PHACTR2: variants seen among roughly 807,000 people sequenced by gnomAD.
PHACTR2 encodes the protein phosphatase and actin regulator 2, also known as chromosome 6 open reading frame 56.
In PHACTR2, 30 loss-of-function variants were observed where a neutral mutation model predicts 76.0. The observed-to-expected ratio is 0.39, with a 90% CI of 0.30 to 0.54. The LOEUF (loss-of-function observed/expected upper bound fraction) is 0.54, where lower values mean the gene tolerates loss of function less well. PHACTR2 is among the 20% of genes least tolerant of loss of function. The pLI is 0.61. For missense variants in PHACTR2, 696 were observed against 781.1 expected (o/e 0.89, Z 1.30); for synonymous variants, 292 against 292.5 (o/e 1.00, Z 0.02).
intron 1 of PHACTR2, among the ~76,000 whole-genome samples, chr6:143,587,631 A>C (rs568867687): frequency 6.6e-6 from 1 of 152,252 alleles, no homozygotes; most frequent in South Asian, 2.1e-4. Flanking sequence ...AATGAATGAG[A>C]TATTTAAAGG....
At chr6:143,615,896 G>A (rs559104315) in intron 1 of PHACTR2, among the ~76,000 whole-genome samples, 3 of 152,174 alleles carry the variant, frequency 2.0e-5, no homozygotes, top group African/African-American at 4.8e-5. Context: ...ATGCTAACAC[G>A]TTACATTCCA....
At position 143,825,575 on chromosome 6, in the gene PHACTR2, A is replaced by G. The variant is rs927707943; in HGVS notation, c.*1886A>G. On this transcript the variant is annotated 3_prime_UTR_variant, in exon 13 of 13. Coordinates refer to ENST00000440869, the MANE Select transcript of PHACTR2 (RefSeq NM_001100164.2). The surrounding 1 kb of genome is among the most constrained non-coding windows in gnomAD (Gnocchi z 4.1). ...TCTGTCTCTGGCTGAGGTTTTGTCT[A>G]TTTTACAGTGTTTCAATCCAGCCAT... The G allele has an allele frequency of 2.0e-5, 3 of 151,588 alleles. No homozygotes were observed. Among genetic ancestry groups the G allele is most frequent in the Non-Finnish European group, 4.4e-5 (3 of 67,868 alleles). The allele number at this position is 151,588 out of a possible 1,614,324, so 9.4% of individuals were successfully genotyped here.
Position 143,662,836 on chromosome 6 carries a change from C to T in PHACTR2, c.14-49180C>T, listed in dbSNP as rs1776967415. On this transcript the variant is annotated intron_variant, in intron 1 of 11. Transcript: ENST00000305766. The surrounding 1 kb of genome is among the most constrained non-coding windows in gnomAD (Gnocchi z 4.7). ...GCACCCAGACAGTGAGCAGAGTACC[C>T]AATAGGTAGTTTTTCAACCCACATT... 6.6e-6 allele frequency among the ~76,000 whole-genome samples: 1 copy of T among 151,930 alleles called. No homozygotes were observed. Among genetic ancestry groups the T allele is most frequent in the African/African-American group, 2.4e-5 (1 of 41,370 alleles).
Position 143,700,666 on chromosome 6 carries a change from G to A in PHACTR2, c.47-11350G>A, listed in dbSNP as rs1022111791. ...TTCTCCCCTAAAGTTCTGTGCTGAC[G>A]CACATTCCCAGCATGAACAGGGTGA... On this transcript the variant is annotated intron_variant, in intron 1 of 12. Transcript: ENST00000440869. This position sits in a 1 kb window ranked among gnomAD's most constrained non-coding sequence, Gnocchi z 4.1. Among the ~76,000 whole-genome samples the A allele has an allele frequency of 8.5e-5, 13 of 152,196 alleles. No individual in the cohort carries two copies. Among genetic ancestry groups the A allele is most frequent in the African/African-American group, 2.9e-4 (12 of 41,450 alleles).
Position 143,689,889 on chromosome 6 carries a change from C to T in PHACTR2, c.46+11680C>T, listed in dbSNP as rs572878308. 8.5e-5 allele frequency among the ~76,000 whole-genome samples: 13 copies of T among 152,208 alleles called. No individual in the cohort carries two copies. Among genetic ancestry groups the T allele is most frequent in the East Asian group, 7.7e-4 (4 of 5,182 alleles). Reference sequence around the variant, plus strand: ...TGTATTTTTAGTAGCGACAGGGTTTCGCCAGGCTGGTCTTGGCAATCTGGT... The same window carrying T: ...TGTATTTTTAGTAGCGACAGGGTTTTGCCAGGCTGGTCTTGGCAATCTGGT... On this transcript the variant is annotated intron_variant, in intron 1 of 12. Transcript: ENST00000440869. This position sits in a 1 kb window ranked among gnomAD's most constrained non-coding sequence, Gnocchi z 4.4.
intron 1 of PHACTR2, among the ~76,000 whole-genome samples, chr6:143,650,935 T>C (rs765265104): frequency 2.6e-5 from 4 of 152,192 alleles, no homozygotes; most frequent in Non-Finnish European, 5.9e-5. Flanking sequence ...TCTATCCATC[T>C]GACAAAGGTC....
rs1211819611 is a variant in PHACTR2, at chr6:143,757,626, A to G, written c.455-2775A>G. On this transcript the variant is annotated intron_variant, in intron 4 of 12. Coordinates refer to ENST00000440869, the MANE Select transcript of PHACTR2 (RefSeq NM_001100164.2). This position sits in a 1 kb window ranked among gnomAD's most constrained non-coding sequence, Gnocchi z 4.2. The stretch of plus-strand genomic sequence containing the variant: ...AAGGCTAGCGTCCTTATCAAGCCAG[A>G]ATGACGAGGCAGCCCTTTCTCAACC... 1.3e-5 allele frequency among the ~76,000 whole-genome samples: 2 copies of G among 152,202 alleles called. No individual in the cohort carries two copies. The highest frequency in any genetic ancestry group is 4.8e-5 in the African/African-American group (2 of 41,450).
At position 143,816,331 on chromosome 6, in the gene PHACTR2, T is replaced by C. The variant is rs1192875227; in HGVS notation, c.1923-7343T>C. Among the ~76,000 whole-genome samples, 1 of 152,018 alleles carries C rather than the reference T, an allele frequency of 6.6e-6. No homozygotes were observed. The highest frequency in any genetic ancestry group is 6.5e-5 in the Admixed American group (1 of 15,268). ...CCGAGAAATAACAAACTGAAGAGTA[T>C]TTTGCATTTTCAGTACCTCTAACCA... On this transcript the variant is annotated intron_variant, in intron 12 of 12. Transcript: ENST00000440869. This position sits in a 1 kb window ranked among gnomAD's most constrained non-coding sequence, Gnocchi z 4.5.
At chr6:143,790,573 T>G (rs1482397205) in intron 11 of PHACTR2, among the ~76,000 whole-genome samples, 1 of 152,230 alleles carries the variant, frequency 6.6e-6, no homozygotes, top group Non-Finnish European at 1.5e-5. Flanking sequence ...TCCACCGAAG[T>G]GCCTTTTGCC....
intron 1 of PHACTR2, among the ~76,000 whole-genome samples, chr6:143,577,565 T>G (rs887153163): frequency 3.3e-5 from 5 of 152,146 alleles, no homozygotes; most frequent in African/African-American, 1.2e-4. Context: ...CGTGTGAGTT[T>G]TCAGTTTCGC....
At position 143,760,387 on chromosome 6, in the gene PHACTR2, T is replaced by C. The variant is rs1268930051; in HGVS notation, c.455-14T>C. The stretch of plus-strand genomic sequence containing the variant: ...TCTGTATCAGTCTGCTTCTGTTCAC[T>C]TTCTCGTTTATAGAGAACACTGAAA... On this transcript the variant is annotated splice_polypyrimidine_tract_variant and intron_variant, in intron 4 of 12. Coordinates refer to ENST00000440869, the MANE Select transcript of PHACTR2 (RefSeq NM_001100164.2). This position sits in a 1 kb window ranked among gnomAD's most constrained non-coding sequence, Gnocchi z 6.4. The C allele has an allele frequency of 6.3e-7, 1 of 1,598,118 alleles. No individual in the cohort carries two copies. The highest frequency in any genetic ancestry group is 2.3e-5 in the East Asian group (1 of 44,364).
chr6:143,720,590 T>G (rs1350513978), intron 2 of PHACTR2, among the ~76,000 whole-genome samples: 3 of 152,168 alleles, frequency 2.0e-5, no homozygotes, highest in African/African-American at 7.2e-5. Flanking sequence ...TGCCTCACAT[T>G]CACGAACCTC....
At chr6:143,802,074 A>G (rs1466783751) in intron 11 of PHACTR2, among the ~76,000 whole-genome samples, 1 of 152,240 alleles carries the variant, frequency 6.6e-6, no homozygotes, top group African/African-American at 2.4e-5. Context: ...CTGATGAAGC[A>G]GACCTGTTAC....
chr6:143,538,433 G>T (rs939574031), intron 1 of PHACTR2, among the ~76,000 whole-genome samples: 1 of 152,244 alleles, frequency 6.6e-6, no homozygotes, highest in African/African-American at 2.4e-5. Flanking sequence ...GATGCGTCAA[G>T]TTTCCACCAG....
At position 143,830,026 on chromosome 6, in the gene PHACTR2, T is replaced by C. The variant is rs1776629426; in HGVS notation, c.*6337T>C. On this transcript the variant is annotated 3_prime_UTR_variant, in exon 13 of 13. Coordinates refer to ENST00000440869, the MANE Select transcript of PHACTR2 (RefSeq NM_001100164.2). The stretch of plus-strand genomic sequence containing the variant: ...CTTACTGGATACTTTTGTTATAGTT[T>C]GACTATGTCATTATGTTGTTTAGAG... 6.6e-6 allele frequency: 1 copy of C among 152,238 alleles called. No homozygotes were observed. Among genetic ancestry groups the C allele is most frequent in the Non-Finnish European group, 1.5e-5 (1 of 68,038 alleles). 9.4% of individuals were successfully genotyped at this position (152,238 alleles called of 1,614,324 possible). A position where few individuals can be genotyped will look rare whatever the true frequency, so the allele number is the denominator to read the frequency against.
intron 2 of PHACTR2, among the ~76,000 whole-genome samples, chr6:143,714,395 T>C (rs1004922184): frequency 1.3e-5 from 2 of 152,354 alleles, no homozygotes; most frequent in African/African-American, 2.4e-5. Context: ...GAATTCTTAA[T>C]TGGTAGTAGA....
rs1469703179 is a variant in PHACTR2, at chr6:143,537,592, G to T, written c.217+385G>T. ...TCGGCGCGACTTTGGTCCCTCGGAA[G>T]GGTGCGGTTCCCTCACTTTGCGGGC... On this transcript the variant is annotated intron_variant, in intron 1 of 11. Coordinates refer to the PHACTR2 transcript ENST00000367584. The surrounding 1 kb of genome is among the most constrained non-coding windows in gnomAD (Gnocchi z 4.4). 1.3e-5 allele frequency among the ~76,000 whole-genome samples: 2 copies of T among 152,200 alleles called. No individual in the cohort carries two copies. Among genetic ancestry groups the T allele is most frequent in the South Asian group, 4.1e-4 (2 of 4,834 alleles).
rs561524394 is a variant in PHACTR2, at chr6:143,610,170, A to G, written c.13+1848A>G. ...GATCACTTTTCATGGTAATTTTTTG[A>G]TGAGGTAAGCAGCCTCTCTTACAGG... On this transcript the variant is annotated intron_variant, in intron 1 of 11. Transcript: ENST00000305766. This position sits in a 1 kb window ranked among gnomAD's most constrained non-coding sequence, Gnocchi z 4.9. 6.6e-6 allele frequency among the ~76,000 whole-genome samples: 1 copy of G among 152,072 alleles called. No individual in the cohort carries two copies. The highest frequency in any genetic ancestry group is 2.4e-5 in the African/African-American group (1 of 41,400).
chr6:143,755,319 A>C lies in PHACTR2; in HGVS notation c.454+1407A>C, dbSNP rs1779274417. 4.4e-6 allele frequency: 2 copies of C among 455,938 alleles called. No individual in the cohort carries two copies. The highest frequency in any genetic ancestry group is 8.8e-6 in the Non-Finnish European group (2 of 226,788). The allele number at this position is 455,938 out of a possible 1,614,324, so 28.2% of individuals were successfully genotyped here. ...TGTCTCGCCAGACTGTTGAATTTCA[A>C]ATCCATCTGTGGTTTGTCCCTGGCA... On this transcript the variant is annotated intron_variant, in intron 4 of 12. Transcript: ENST00000440869. The surrounding 1 kb of genome is among the most constrained non-coding windows in gnomAD (Gnocchi z 5.2).
Sources: gnomAD v4.1 joint callset for allele counts (sites outside exome capture counted in the v4.1 genomes callset) on GRCh38, gnomAD v4.1.1 for gene constraint, Gnocchi (gnomAD v3.1) non-coding constraint, MANE v1.5 for transcripts, NCBI Gene and HGNC (gene_info 2026-07-23, HGNC 2026-07-21) for gene names.